TRAPPC13: variants seen among roughly 807,000 people sequenced by gnomAD.
The protein encoded by TRAPPC13 is REV7-interacting novel NHEJ regulator 1.
In TRAPPC13, 39 loss-of-function variants were observed where a neutral mutation model predicts 54.0. The observed-to-expected ratio is 0.72, with a 90% CI of 0.56 to 0.94. TRAPPC13 has a LOEUF of 0.94. Among genes scored for constraint, TRAPPC13 ranks in the 40% least tolerant of loss-of-function variants. The pLI is 0.00. For missense variants in TRAPPC13, 386 were observed against 488.1 expected (o/e 0.79, Z 1.97); for synonymous variants, 148 against 167.7 (o/e 0.88, Z 0.91).
rs1042386562 is a variant in TRAPPC13, at chr5:65,664,385, G to C, written c.1146+1G>C. On this transcript the variant is annotated splice_donor_variant, in intron 12 of 12. Transcript: ENST00000399438. LOFTEE classifies it high-confidence loss of function. Reference sequence around the variant, plus strand: ...GCTTTCTTCAGTACAGGGACTGCAAGTATGCTGTCTTTTCAAAAATTCCAA... The same window carrying C: ...GCTTTCTTCAGTACAGGGACTGCAACTATGCTGTCTTTTCAAAAATTCCAA... 6.2e-7 allele frequency: 1 copy of C among 1,609,042 alleles called. No individual in the cohort carries two copies. The highest frequency in any genetic ancestry group is 1.3e-5 in the African/African-American group (1 of 74,754).
At chr5:65,630,475 A>G (rs1755494022) in intron 1 of TRAPPC13, 2 of 1,387,116 alleles carry the variant, frequency 1.4e-6, no homozygotes, top group Non-Finnish European at 1.9e-6. Flanking sequence ...AAGTCAAGAA[A>G]TTGCTGAGTT....
chr5:65,635,943 G>T lies in TRAPPC13; in HGVS notation c.116-1G>T. 1.3e-6 allele frequency: 2 copies of T among 1,574,596 alleles called. No homozygotes were observed. ...AATTTTATGTTTTTCTCTTCATTCA[G>T]GAGATCTCTTTAACCAGCTGATGAG... On this transcript the variant is annotated splice_acceptor_variant, in intron 2 of 12. Coordinates refer to ENST00000399438, the MANE Select transcript of TRAPPC13 (RefSeq NM_024941.4). LOFTEE classifies it high-confidence loss of function.
rs1395069958 is a variant in TRAPPC13 at position 65,665,179 on chromosome 5, GAGACTCTGTCTCAAAAAAAA to G, written c.*572_*591del. 6.6e-6 allele frequency: 1 copy of G among 152,396 alleles called. No individual in the cohort carries two copies. The highest frequency in any genetic ancestry group is 1.5e-5 in the Non-Finnish European group (1 of 68,230). 9.4% of individuals were successfully genotyped at this position (152,396 alleles called of 1,614,324 possible). On this transcript the variant is annotated 3_prime_UTR_variant, in exon 13 of 13. Transcript: ENST00000399438. Reference sequence around the variant, plus strand: ...TGCACTCTAGCCTGAGCGACAGAGTGAGACTCTGTCTCAAAAAAAAAGAGGCAGCTGGGCAGATTTGGCCT... The same window carrying G: ...TGCACTCTAGCCTGAGCGACAGAGTGAGAGGCAGCTGGGCAGATTTGGCCT...
chr5:65,663,924 G>C (rs1444734757), intron 11 of TRAPPC13: 2 of 256,498 alleles, frequency 7.8e-6, no homozygotes, highest in East Asian at 1.7e-4. Flanking sequence ...ACACAAATGT[G>C]TGGAAGTCTC....
At chr5:65,650,383 A>C (rs962176898) in intron 5 of TRAPPC13, among the ~76,000 whole-genome samples, 8 of 151,748 alleles carry the variant, frequency 5.3e-5, no homozygotes, top group Admixed American at 1.3e-4. Flanking sequence ...GCTGCTCTCG[A>C]ACTCCTGACC....
rs993727398 is a variant in TRAPPC13, at chr5:65,662,956, A to G, written c.998+806A>G. On this transcript the variant is annotated intron_variant, in intron 11 of 12. Coordinates refer to ENST00000399438, the MANE Select transcript of TRAPPC13 (RefSeq NM_024941.4). The stretch of plus-strand genomic sequence containing the variant: ...AACTTAGTTTTTTAGTGACACTCAT[A>G]TATTGTGTATTTAGTGACACTCATA... 17 of 152,168 alleles carry G rather than the reference A, an allele frequency of 1.1e-4. No individual in the cohort carries two copies. In the East Asian group the frequency reaches 2.7e-3, roughly 24 times the overall value. The allele number at this position is 152,168 out of a possible 1,614,324, so 9.4% of individuals were successfully genotyped here.
chr5:65,664,445 A>T, intron 12 of TRAPPC13, 59 bp from the exon 13 acceptor site: 1 of 1,601,500 alleles, frequency 6.2e-7, no homozygotes, highest in Non-Finnish European at 8.5e-7. Context: ...GTCATTTGTG[A>T]TGTCTGTATT....
chr5:65,651,842 G>GTTTTTTTTTTTTTTTTTTTTTTTTTTTTT lies in TRAPPC13; in HGVS notation c.502-649_502-621dup, dbSNP rs762929434. Among the ~76,000 whole-genome samples the GTTTTTTTTTTTTTTTTTTTTTTTTTTTTT allele has an allele frequency of 9.7e-5, 4 of 41,136 alleles. 1 individual carries two copies. The highest frequency in any genetic ancestry group is 1.3e-4 in the Non-Finnish European group (3 of 23,480). The allele number at this position is 41,136 out of a possible 152,430, so 27.0% of individuals were successfully genotyped here. ...TTGAAAGAAAATAAAACGTGATTCAGTTTTTTTTTTTTTTTTTTTTTTTTT... is the reference window on the plus strand; with the variant it reads ...TTGAAAGAAAATAAAACGTGATTCAGTTTTTTTTTTTTTTTTTTTTTTTTTTTTTTTTTTTTTTTTTTTTTTTTTTTTTT... On this transcript the variant is annotated intron_variant, in intron 6 of 12. Transcript: ENST00000399438.
intron 4 of TRAPPC13, among the ~76,000 whole-genome samples, chr5:65,641,871 TC>T (rs1755979390): frequency 6.6e-6 from 1 of 151,654 alleles, no homozygotes; most frequent in Admixed American, 6.6e-5. Context: ...TAACACTTTT[TC>T]TTTTTTTTTT....
intron 1 of TRAPPC13, among the ~76,000 whole-genome samples, chr5:65,628,926 T>C (rs1755389113): frequency 2.0e-5 from 3 of 151,754 alleles, no homozygotes; most frequent in African/African-American, 7.3e-5. Context: ...CAAGCTATTC[T>C]CCTGCCTCAG....
Position 65,665,048 on chromosome 5 carries a change from G to A in TRAPPC13, c.*437G>A. 1 of 181,092 alleles carries A rather than the reference G, an allele frequency of 5.5e-6. No homozygotes were observed. The highest frequency in any genetic ancestry group is 1.1e-4 in the South Asian group (1 of 9,284). The allele number at this position is 181,092 out of a possible 1,614,324, so 11.2% of individuals were successfully genotyped here. A position where few individuals can be genotyped will look rare whatever the true frequency, so the allele number is the denominator to read the frequency against. On this transcript the variant is annotated 3_prime_UTR_variant, in exon 13 of 13. Coordinates refer to ENST00000399438, the MANE Select transcript of TRAPPC13 (RefSeq NM_024941.4). ...CAAGAGCAGCCAGTAGGCAAAAAAAGTACAGTGGTGTACACAAAAAGAAGC... is the reference window on the plus strand; with the variant it reads ...CAAGAGCAGCCAGTAGGCAAAAAAAATACAGTGGTGTACACAAAAAGAAGC...
chr5:65,635,671 T>C (rs1755718859), intron 2 of TRAPPC13, among the ~76,000 whole-genome samples: 1 of 152,180 alleles, frequency 6.6e-6, no homozygotes, highest in Non-Finnish European at 1.5e-5. Flanking sequence ...TGTATTAGCA[T>C]TCCCTTTTTT....
intron 5 of TRAPPC13, among the ~76,000 whole-genome samples, chr5:65,648,199 A>G (rs1756284557): frequency 6.6e-6 from 1 of 152,178 alleles, no homozygotes; most frequent in Non-Finnish European, 1.5e-5. Flanking sequence ...ATTGAAATGC[A>G]TTCTTCCCTT....
intron 1 of TRAPPC13, among the ~76,000 whole-genome samples, chr5:65,631,859 A>T (rs1416807955): frequency 2.0e-5 from 3 of 152,034 alleles, no homozygotes; most frequent in Admixed American, 6.6e-5. Flanking sequence ...AGAAATTGGA[A>T]CCTATAATAA....
chr5:65,652,406 GA>G, intron 6 of TRAPPC13, 94 bp from the exon 7 acceptor site: 1 of 724,778 alleles, frequency 1.4e-6, no homozygotes, highest in South Asian at 2.1e-5. Flanking sequence ...ATTAAAATTG[GA>G]AAATGACTGA....
intron 1 of TRAPPC13, chr5:65,629,981 T>G: frequency 6.5e-7 from 1 of 1,536,000 alleles, no homozygotes; most frequent in Non-Finnish European, 8.7e-7. Flanking sequence ...GAGGAGATCT[T>G]GGAGTATTTC....
chr5:65,652,586 A>G, intron 7 of TRAPPC13, 41 bp downstream of exon 7: 1 of 1,416,250 alleles, frequency 7.1e-7, no homozygotes, highest in Non-Finnish European at 1.0e-6. Flanking sequence ...ATTAAACATT[A>G]AGATCGTATT....
At chr5:65,634,396 TTATAA>T (rs981854131) in intron 1 of TRAPPC13, among the ~76,000 whole-genome samples, 1 of 152,200 alleles carries the variant, frequency 6.6e-6, no homozygotes, top group African/African-American at 2.4e-5. Flanking sequence ...CTTAAATATG[TTATAA>T]TATGTAGTAA....
Position 65,664,484 on chromosome 5 carries a change from ATC to A in TRAPPC13, c.1147-7_1147-6del, listed in dbSNP as rs3830443. On this transcript the variant is annotated intron_variant, in intron 12 of 12. Transcript: ENST00000399438. ...TCTGAATGAATGAAAACTTAGACTC[ATC>A]TCTCTCTCTCTCAATAGAGCATCTC... The A allele has an allele frequency of 4.0e-5, 60 of 1,487,156 alleles. No homozygotes were observed. The highest frequency in any genetic ancestry group is 1.9e-4 in the Admixed American group (10 of 52,986). 92.1% of individuals were successfully genotyped at this position (1,487,156 alleles called of 1,614,324 possible). A position where few individuals can be genotyped will look rare whatever the true frequency, so the allele number is the denominator to read the frequency against.
Sources: allele counts gnomAD v4.1 joint callset (sites outside exome capture counted in the v4.1 genomes callset), GRCh38; gene constraint gnomAD v4.1.1; transcripts MANE v1.5; gene names NCBI Gene and HGNC (gene_info 2026-07-23, HGNC 2026-07-21).